Variants in MAU2 observed in about 807,000 individuals in gnomAD.
The protein encoded by MAU2 is MAU2 chromatid cohesion factor homolog.
Under a neutral mutation model 89.1 loss-of-function variants are expected in MAU2, and 9 were observed. The observed-to-expected ratio is 0.10, with a 90% CI of 0.06 to 0.18. The LOEUF is 0.18. MAU2 is among the 10% of genes least tolerant of loss of function. The pLI, the probability that MAU2 is intolerant of heterozygous loss-of-function variation, is 1.00. For synonymous variants in MAU2, 357 were observed against 343.4 expected (o/e 1.04, Z -0.44); for missense variants, 425 against 803.5 (o/e 0.53, Z 5.69).
intron 1 of MAU2, among the ~76,000 whole-genome samples, chr19:19,322,214 G>T (rs368118076): frequency 2.6e-5 from 4 of 152,222 alleles, no homozygotes; most frequent in East Asian, 3.9e-4. Context: ...TAGCCAGGGT[G>T]GTCTCCATCT....
At chr19:19,348,666 T>G in intron 13 of MAU2, 1 of 638,236 alleles carries the variant, frequency 1.6e-6, no homozygotes, top group Non-Finnish European at 2.8e-6. Context: ...CCCTGTCACC[T>G]ACTGCAGGAC....
intron 1 of MAU2, among the ~76,000 whole-genome samples, chr19:19,331,527 G>A (rs1227312050): frequency 6.6e-6 from 1 of 151,732 alleles, no homozygotes; most frequent in Non-Finnish European, 1.5e-5. Flanking sequence ...ACGTAGATGA[G>A]GTAGCAACCT....
chr19:19,338,821 G>T, intron 4 of MAU2, 24 bp from the exon 5 acceptor site: 3 of 1,583,638 alleles, frequency 1.9e-6, no homozygotes, highest in Non-Finnish European at 2.6e-6. Flanking sequence ...GGCAGCAAAG[G>T]TCACTGCTCT....
chr19:19,355,436 C>T (rs1195432333), intron 18 of MAU2, 45 bp downstream of exon 18: 1 of 1,604,568 alleles, frequency 6.2e-7, no homozygotes, highest in African/African-American at 1.3e-5. Flanking sequence ...CTAGCGGGCT[C>T]CCCACCTGCA....
At chr19:19,328,941 C>G (rs533898807) in intron 1 of MAU2, 2 of 417,574 alleles carry the variant, frequency 4.8e-6, no homozygotes, top group South Asian at 1.7e-5. Flanking sequence ...CAATGCCATG[C>G]GTGCTTTCTC....
In MAU2 at chr19:19,342,706, CAGGGCTG is replaced by C. The variant is rs765182604; in HGVS notation, c.882+26_882+32del. 8 of 1,613,156 alleles carry C rather than the reference CAGGGCTG, an allele frequency of 5.0e-6. No individual in the cohort carries two copies. In the East Asian group the frequency reaches 8.9e-5, roughly 18 times the overall value. On this transcript the variant is annotated intron_variant, in intron 8 of 18. Transcript: ENST00000262815. ...GGTGCGTCCCCACCAGGGCCCGGGC[CAGGGCTG>C]GGGGCGGGGGCAGGGAGAGGGAGAG...
intron 9 of MAU2, 56 bp from the exon 10 acceptor site, chr19:19,343,781 G>C: frequency 1.5e-6 from 2 of 1,345,076 alleles, no homozygotes; most frequent in Non-Finnish European, 2.1e-6. Flanking sequence ...CGGTGGGCTG[G>C]GGGTGGCGCC....
At position 19,344,972 on chromosome 19, in the gene MAU2, C is replaced by T. The variant is rs367748761; in HGVS notation, c.1155+46C>T. ...ACCCCGGGAGAATCCAGAATGTTCT[C>T]AGTAAGTAAGTACCTAACCAGATCC... On this transcript the variant is annotated intron_variant, in intron 11 of 18. Transcript: ENST00000262815. The T allele has an allele frequency of 5.8e-6, 9 of 1,561,114 alleles. No homozygotes were observed. The African/African-American group carries it at 1.1e-4, about 19-fold the overall frequency.
intron 12 of MAU2, 67 bp from the exon 13 acceptor site, chr19:19,347,213 C>T: frequency 3.2e-6 from 3 of 939,984 alleles, no homozygotes; most frequent in Non-Finnish European, 5.3e-6. Context: ...ATTGTGGGTG[C>T]TCTGACACTG....
In MAU2 at chr19:19,350,728, G is replaced by A. The variant is rs1306966587; in HGVS notation, c.1548+1292G>A. Among the ~76,000 whole-genome samples, 11 of 151,644 alleles carry A rather than the reference G, an allele frequency of 7.3e-5. No individual in the cohort carries two copies. The East Asian group carries it at 7.8e-4, about 11-fold the overall frequency. On this transcript the variant is annotated intron_variant, in intron 16 of 18. Transcript: ENST00000262815. ...ATCCTGGCTAACACGGTGAAACCCC[G>A]TCTCTACTAAAAATACAAAAAATTA...
At chr19:19,354,903 A>G (rs960147235) in intron 17 of MAU2, among the ~76,000 whole-genome samples, 1 of 152,106 alleles carries the variant, frequency 6.6e-6, no homozygotes, top group African/African-American at 2.4e-5. Context: ...GGGAGGTGAC[A>G]GGAGACGGGG....
intron 1 of MAU2, among the ~76,000 whole-genome samples, chr19:19,326,721 C>CATATATATACAT (rs2061510481): frequency 2.5e-5 from 2 of 80,992 alleles, no homozygotes; most frequent in Admixed American, 1.6e-4. Context: ...TATATATATA[C>CATATATATACAT]ATATATATAT....
chr19:19,321,243 G>A (rs2061451987), intron 1 of MAU2, 108 bp downstream of exon 1: 6 of 1,292,052 alleles, frequency 4.6e-6, no homozygotes, highest in East Asian at 3.0e-5. Context: ...CGACCTGGGG[G>A]CGCGACCTCC....
chr19:19,338,972 C>G (rs946662589), intron 5 of MAU2, 33 bp downstream of exon 5: 1 of 1,542,290 alleles, frequency 6.5e-7, no homozygotes, highest in Admixed American at 1.8e-5. Context: ...CCCTCCTGCT[C>G]TGTTAACAGG....
intron 9 of MAU2, among the ~76,000 whole-genome samples, chr19:19,343,212 T>C (rs1195226694): frequency 6.6e-6 from 1 of 152,224 alleles, no homozygotes; most frequent in Non-Finnish European, 1.5e-5. Context: ...ACCACCAGCA[T>C]GTCCTTTGGA....
At position 19,356,331 on chromosome 19, in the gene MAU2, T is replaced by G. The variant is rs2048178308; in HGVS notation, c.*549T>G. On this transcript the variant is annotated 3_prime_UTR_variant, in exon 19 of 19. Transcript: ENST00000262815. ...ACTTTTCCCAGCTTTCTCTCCAGCA[T>G]CAGTCCCTGCAGCAGCTGGGGCCTC... is the stretch of plus-strand genomic sequence containing the variant. 1 of 331,270 alleles carries G rather than the reference T, an allele frequency of 3.0e-6. No homozygotes were observed. The highest frequency in any genetic ancestry group is 6.0e-6 in the Non-Finnish European group (1 of 167,362). 20.5% of individuals were successfully genotyped at this position (331,270 alleles called of 1,614,324 possible). A position where few individuals can be genotyped will look rare whatever the true frequency, so the allele number is the denominator to read the frequency against.
chr19:19,349,671 T>G (rs1356120019), intron 16 of MAU2, among the ~76,000 whole-genome samples: 1 of 152,136 alleles, frequency 6.6e-6, no homozygotes, highest in African/African-American at 2.4e-5. Flanking sequence ...CCTCAGACAT[T>G]GGGCAGGCAG....
chr19:19,326,687 A>G (rs1258349036), intron 1 of MAU2, among the ~76,000 whole-genome samples: 2 of 46,654 alleles, frequency 4.3e-5, no homozygotes, highest in Non-Finnish European at 1.2e-4. Context: ...CTGTCTCAAA[A>G]AAAAATATAT....
chr19:19,356,163 C>T lies in MAU2; in HGVS notation c.*381C>T, dbSNP rs1217872095. ...CCCCAGGGGCACCACGCCTGACTCT[C>T]CATCACCCAGGCCTTGATGCCGAGC... is the stretch of plus-strand genomic sequence containing the variant. On this transcript the variant is annotated 3_prime_UTR_variant, in exon 19 of 19. Transcript: ENST00000262815. The T allele has an allele frequency of 2.3e-6, 1 of 427,022 alleles. No homozygotes were observed. Among genetic ancestry groups the T allele is most frequent in the South Asian group, 1.8e-5 (1 of 56,048 alleles). The allele number at this position is 427,022 out of a possible 1,614,324, so 26.5% of individuals were successfully genotyped here.
Sources: allele counts gnomAD v4.1 joint callset (sites outside exome capture counted in the v4.1 genomes callset), GRCh38; gene constraint gnomAD v4.1.1; transcripts MANE v1.5; gene names NCBI Gene and HGNC (gene_info 2026-07-23, HGNC 2026-07-21).